PRKAR2A: variants seen among roughly 807,000 people sequenced by gnomAD.
PRKAR2A encodes cAMP-dependent protein kinase type II-alpha regulatory subunit.
PRKAR2A carries 29 observed loss-of-function variants against 51.9 expected under a neutral mutation model. The observed-to-expected ratio is 0.56, with a 90% CI of 0.42 to 0.76. The LOEUF is 0.76. PRKAR2A is among the 30% of genes least tolerant of loss of function. PRKAR2A has a pLI of 0.00. For synonymous variants in PRKAR2A, 178 were observed against 186.2 expected (o/e 0.96, Z 0.36); for missense variants, 445 against 512.1 (o/e 0.87, Z 1.26).
At position 48,763,882 on chromosome 3, in the gene PRKAR2A, C is replaced by T. The variant is rs532520552; in HGVS notation, c.873+1122G>A. 9.9e-5 allele frequency among the ~76,000 whole-genome samples: 15 copies of T among 152,172 alleles called. No individual in the cohort carries two copies. The South Asian group carries it at 1.9e-3, about 19-fold the overall frequency. On this transcript the variant is annotated intron_variant, in intron 8 of 10. Coordinates refer to ENST00000265563, the MANE Select transcript of PRKAR2A (RefSeq NM_004157.4). ...TAATTAAAAGAATTATTAATAGTAA[C>T]GGCTCCTAGAAAACAAATACATTTA...
Position 48,758,971 on chromosome 3 carries a change from C to T in PRKAR2A, c.874-2527G>A, listed in dbSNP as rs115206089. On this transcript the variant is annotated intron_variant, in intron 8 of 10. Coordinates refer to ENST00000265563, the MANE Select transcript of PRKAR2A (RefSeq NM_004157.4). ...TGAGAAACAAAAAGCCTTGGTTCAC[C>T]TCTTCCTCTGGACCAAATGAAGGAC... is the stretch of plus-strand genomic sequence containing the variant. Among the ~76,000 whole-genome samples the T allele has an allele frequency of 7.7e-3, 1,180 of 152,272 alleles. 10 individuals are homozygous for T. The highest frequency in any genetic ancestry group is 0.027 in the African/African-American group (1,124 of 41,540).
chr3:48,777,451 G>T (rs149096447), intron 5 of PRKAR2A, among the ~76,000 whole-genome samples: 1 of 152,138 alleles, frequency 6.6e-6, no homozygotes, highest in Non-Finnish European at 1.5e-5. Context: ...TGTTGCCCAG[G>T]CTGGAGTGCA....
chr3:48,768,343 A>AGATAGATG (rs66811235), intron 6 of PRKAR2A, among the ~76,000 whole-genome samples: 9 of 150,834 alleles, frequency 6.0e-5, no homozygotes, highest in African/African-American at 9.8e-5. Context: ...ATAGATAGAT[A>AGATAGATG]TAGACAGACA....
intron 9 of PRKAR2A, among the ~76,000 whole-genome samples, chr3:48,755,923 C>T (rs982597657): frequency 1.3e-5 from 2 of 151,888 alleles, no homozygotes; most frequent in Non-Finnish European, 2.9e-5. Context: ...GGACTACAGG[C>T]GCCCGCCACC....
intron 4 of PRKAR2A, among the ~76,000 whole-genome samples, chr3:48,786,853 T>A (rs139249663): frequency 3.0e-3 from 457 of 152,174 alleles, no homozygotes; most frequent in African/African-American, 0.01. Context: ...CAATAAGACA[T>A]ACTGACATCA....
intron 1 of PRKAR2A, among the ~76,000 whole-genome samples, chr3:48,830,268 G>A (rs993667607): frequency 6.6e-6 from 1 of 151,044 alleles, no homozygotes; most frequent in Admixed American, 6.6e-5. Context: ...GGTCAGGACC[G>A]CCTAGACCTA....
intron 1 of PRKAR2A, among the ~76,000 whole-genome samples, chr3:48,844,007 G>A (rs1357049023): frequency 2.2e-4 from 33 of 148,554 alleles, no homozygotes; most frequent in African/African-American, 7.9e-4. Flanking sequence ...AAACTAAAGA[G>A]CTTCTGCACA....
intron 1 of PRKAR2A, among the ~76,000 whole-genome samples, chr3:48,827,565 C>G (rs72931157): frequency 0.057 from 8,676 of 152,158 alleles, 837 homozygotes; most frequent in African/African-American, 0.2. Context: ...TACAACACAC[C>G]TAGAATATAT....
chr3:48,842,291 T>G lies in PRKAR2A; in HGVS notation c.262+5044A>C, dbSNP rs561716267. Among the ~76,000 whole-genome samples, 291 of 152,340 alleles carry G rather than the reference T, an allele frequency of 1.9e-3. 2 individuals are homozygous for G. The highest frequency in any genetic ancestry group is 6.5e-3 in the African/African-American group (270 of 41,574). On this transcript the variant is annotated intron_variant, in intron 1 of 10. Coordinates refer to ENST00000265563, the MANE Select transcript of PRKAR2A (RefSeq NM_004157.4). The stretch of plus-strand genomic sequence containing the variant: ...ATCCTGAGACTTTGCTGAAGTTGCT[T>G]ATCAGCTTAAGGAGATTTGGGGCTG...
intron 4 of PRKAR2A, among the ~76,000 whole-genome samples, chr3:48,788,275 C>T (rs2082327071): frequency 6.6e-6 from 1 of 152,100 alleles, no homozygotes; most frequent in Non-Finnish European, 1.5e-5. Flanking sequence ...ATGATCCGCC[C>T]ACTTCGGCCT....
At chr3:48,769,596 C>T (rs577260695) in intron 6 of PRKAR2A, among the ~76,000 whole-genome samples, 6 of 152,184 alleles carry the variant, frequency 3.9e-5, no homozygotes, top group African/African-American at 1.2e-4. Context: ...CCTGCCTTGG[C>T]TTCCAGAGTA....
intron 1 of PRKAR2A, among the ~76,000 whole-genome samples, chr3:48,846,836 T>C (rs1575970545): frequency 6.6e-6 from 1 of 152,214 alleles, no homozygotes; most frequent in African/African-American, 2.4e-5. Flanking sequence ...GGATGAAACT[T>C]TGTGACAAAC....
chr3:48,756,569 T>C (rs1021106265), intron 8 of PRKAR2A, 125 bp from the exon 9 acceptor site: 24 of 695,976 alleles, frequency 3.4e-5, no homozygotes, highest in Non-Finnish European at 5.1e-5. Context: ...AATGAATCAA[T>C]AGTAAACAAA....
At chr3:48,796,772 G>A (rs1039747269) in intron 2 of PRKAR2A, among the ~76,000 whole-genome samples, 2 of 150,282 alleles carry the variant, frequency 1.3e-5, no homozygotes, top group Non-Finnish European at 2.9e-5. Context: ...TTACAGACGT[G>A]AGCAACCGCG....
At chr3:48,744,807 C>T (rs2081543315), downstream of PRKAR2A, 1 of 152,108 alleles carries the variant, frequency 6.6e-6, no homozygotes, top group Non-Finnish European at 1.5e-5. Context: ...GTCACAGCAT[C>T]CTTGCTAGTT....
intron 5 of PRKAR2A, among the ~76,000 whole-genome samples, chr3:48,774,763 T>C (rs2082081072): frequency 1.3e-5 from 2 of 152,186 alleles, no homozygotes. Context: ...CTTTCTTTTT[T>C]ATGGTCAAAT....
At chr3:48,842,795 G>A (rs1197684143) in intron 1 of PRKAR2A, among the ~76,000 whole-genome samples, 2 of 152,158 alleles carry the variant, frequency 1.3e-5, no homozygotes, top group East Asian at 1.9e-4. Flanking sequence ...GCTTTTTGAT[G>A]TGCTGCTGGA....
chr3:48,809,365 T>C (rs2082732679), intron 1 of PRKAR2A, among the ~76,000 whole-genome samples: 1 of 151,768 alleles, frequency 6.6e-6, no homozygotes, highest in Admixed American at 6.6e-5. Context: ...CCGAGGCGGC[T>C]GGATCATTTG....
intron 1 of PRKAR2A, among the ~76,000 whole-genome samples, chr3:48,842,969 G>C (rs971948604): frequency 6.6e-6 from 1 of 152,032 alleles, no homozygotes; most frequent in Non-Finnish European, 1.5e-5. Context: ...CCATTGATTG[G>C]AATAGTTTCA....
Sources: allele counts gnomAD v4.1 joint callset (sites outside exome capture counted in the v4.1 genomes callset), GRCh38; gene constraint gnomAD v4.1.1; transcripts MANE v1.5; gene names NCBI Gene and HGNC (gene_info 2026-07-23, HGNC 2026-07-21).